Variants in BCKDHB observed in about 807,000 individuals in gnomAD.
BCKDHB encodes the protein branched chain keto acid dehydrogenase E1 subunit beta, also known as 2-oxoisovalerate dehydrogenase subunit beta, mitochondrial.
Under a neutral mutation model 48.5 loss-of-function variants are expected in BCKDHB, and 41 were observed. That is an observed-to-expected ratio of 0.85 (90% CI 0.66 to 1.10). The LOEUF is 1.10. Among genes scored for constraint, BCKDHB ranks in the 50% least tolerant of loss-of-function variants. The pLI is 0.00. For synonymous variants in BCKDHB, 201 were observed against 174.8 expected (o/e 1.15, Z -1.18); for missense variants, 496 against 494.2 (o/e 1.00, Z -0.03).
At chr6:80,200,675 C>T (rs1330385330) in intron 6 of BCKDHB, among the ~76,000 whole-genome samples, 6 of 152,120 alleles carry the variant, frequency 3.9e-5, no homozygotes, top group African/African-American at 1.2e-4. Flanking sequence ...TTCTTTATTA[C>T]GATTTCTTTA....
intron 3 of BCKDHB, among the ~76,000 whole-genome samples, chr6:80,141,479 T>C (rs1164264342): frequency 6.6e-6 from 1 of 152,146 alleles, no homozygotes; most frequent in African/African-American, 2.4e-5. Context: ...TTCAATTTAA[T>C]TGATTACACA....
intron 6 of BCKDHB, among the ~76,000 whole-genome samples, chr6:80,197,746 A>G (rs538374181): frequency 6.6e-6 from 1 of 152,336 alleles, no homozygotes; most frequent in South Asian, 2.1e-4. Flanking sequence ...GCCAGGGGAA[A>G]GACTTGATGA....
intron 6 of BCKDHB, among the ~76,000 whole-genome samples, chr6:80,179,117 G>A (rs1773297760): frequency 2.0e-5 from 3 of 151,966 alleles, no homozygotes; most frequent in African/African-American, 7.3e-5. Flanking sequence ...CAAGCTCCTG[G>A]GCTCAGGTGA....
At chr6:80,124,182 T>C (rs2127722243) in intron 1 of BCKDHB, among the ~76,000 whole-genome samples, 1 of 152,334 alleles carries the variant, frequency 6.6e-6, no homozygotes, top group Middle Eastern at 3.4e-3. Flanking sequence ...GGTTGTTCAG[T>C]TTCCATGTAG....
In BCKDHB at chr6:80,345,412, G is replaced by C. The variant is rs566244048; in HGVS notation, c.*1608G>C. 1 of 152,326 alleles carries C rather than the reference G, an allele frequency of 6.6e-6. No individual in the cohort carries two copies. The highest frequency in any genetic ancestry group is 2.1e-4 in the South Asian group (1 of 4,826). The allele number at this position is 152,326 out of a possible 1,614,324, so 9.4% of individuals were successfully genotyped here. On this transcript the variant is annotated 3_prime_UTR_variant, in exon 10 of 10. Transcript: ENST00000320393. ...AATTCTTGACTTTTGTGTATGGGTAGTAAATCTAGCTCACTGAAAATCAGA... is the reference window on the plus strand; with the variant it reads ...AATTCTTGACTTTTGTGTATGGGTACTAAATCTAGCTCACTGAAAATCAGA...
At chr6:80,387,378 A>AG in the BCKDHB span, among the ~76,000 whole-genome samples, 66,555 of 151,426 alleles carry the variant, frequency 0.44, 15,313 homozygotes, top group East Asian at 0.78. Context: ...AAAAATAGTA[A>AG]TCAAAAACAA....
In BCKDHB at chr6:80,260,224, T is replaced by TG. The variant is rs753704417; in HGVS notation, c.952-12910dup. On this transcript the variant is annotated intron_variant, in intron 8 of 9. Transcript: ENST00000320393. ...GGTGGTAATGGTGGGTGTGTGTGTGTGTGTGGGGTAATAAAATACAATCTT... is the reference window on the plus strand; with the variant it reads ...GGTGGTAATGGTGGGTGTGTGTGTGTGGTGTGGGGTAATAAAATACAATCTT... Among the ~76,000 whole-genome samples, 857 of 151,836 alleles carry TG rather than the reference T, an allele frequency of 5.6e-3. 4 individuals carry two copies. Among genetic ancestry groups the TG allele is most frequent in the Non-Finnish European group, 8.2e-3 (554 of 67,878 alleles).
chr6:80,180,817 A>G (rs905995494), intron 6 of BCKDHB, among the ~76,000 whole-genome samples: 1 of 152,242 alleles, frequency 6.6e-6, no homozygotes, highest in Non-Finnish European at 1.5e-5. Context: ...TGTATTTTAC[A>G]TTAAGCAGAT....
the BCKDHB span, among the ~76,000 whole-genome samples, chr6:80,388,227 G>A: frequency 6.6e-6 from 1 of 152,202 alleles, no homozygotes; most frequent in Non-Finnish European, 1.5e-5. Flanking sequence ...CCAGGCTGCT[G>A]TGAAAGCTTC....
chr6:80,162,836 C>T (rs146792456), intron 3 of BCKDHB, among the ~76,000 whole-genome samples: 5 of 152,014 alleles, frequency 3.3e-5, no homozygotes, highest in African/African-American at 9.7e-5. Flanking sequence ...GGTGACAGAG[C>T]GAGACTACAT....
At chr6:80,121,014 T>C (rs911404499) in intron 1 of BCKDHB, among the ~76,000 whole-genome samples, 1 of 152,226 alleles carries the variant, frequency 6.6e-6, no homozygotes, top group Non-Finnish European at 1.5e-5. Context: ...TTTAAGTCTT[T>C]AATCCATCTT....
chr6:80,219,881 C>A (rs1012531648), intron 8 of BCKDHB, among the ~76,000 whole-genome samples: 4 of 151,960 alleles, frequency 2.6e-5, no homozygotes, highest in African/African-American at 9.7e-5. Context: ...AATTTTGATG[C>A]CACCCTGATT....
At position 80,205,655 on chromosome 6, in the gene BCKDHB, C is replaced by T. The variant is rs771713831; in HGVS notation, c.951+2443C>T. Among the ~76,000 whole-genome samples, 75 of 152,112 alleles carry T rather than the reference C, an allele frequency of 4.9e-4. No individual in the cohort carries two copies. In the Middle Eastern group the frequency reaches 0.014, roughly 28 times the overall value. ...TAAAAAATTAGAGACTTAAATGGTCCTAGAAACCACAGCTAGTTTTTCCAC... is the reference window on the plus strand; with the variant it reads ...TAAAAAATTAGAGACTTAAATGGTCTTAGAAACCACAGCTAGTTTTTCCAC... On this transcript the variant is annotated intron_variant, in intron 8 of 9. Coordinates refer to ENST00000320393, the MANE Select transcript of BCKDHB (RefSeq NM_183050.4).
At chr6:80,455,832 G>T in the BCKDHB span, among the ~76,000 whole-genome samples, 1 of 152,188 alleles carries the variant, frequency 6.6e-6, no homozygotes, top group Middle Eastern at 3.4e-3. Flanking sequence ...AAAGTAGCAG[G>T]TCAAGAAGGC....
chr6:80,254,561 T>A (rs933738581), intron 8 of BCKDHB, among the ~76,000 whole-genome samples: 1 of 151,984 alleles, frequency 6.6e-6, no homozygotes, highest in Non-Finnish European at 1.5e-5. Context: ...ATTAACCAGG[T>A]TGATGAAGTC....
the BCKDHB span, among the ~76,000 whole-genome samples, chr6:80,408,802 TCAAAAA>T: frequency 4.5e-5 from 1 of 22,446 alleles, no homozygotes; most frequent in Non-Finnish European, 2.3e-4. Context: ...CTTTTTTTTT[TCAAAAA>T]AAAAAACCAA....
At chr6:80,265,273 C>T (rs748152727) in intron 8 of BCKDHB, among the ~76,000 whole-genome samples, 20 of 152,162 alleles carry the variant, frequency 1.3e-4, no homozygotes, top group South Asian at 4.1e-4. Flanking sequence ...TGCAGCAGTA[C>T]TCACAGTAGC....
At chr6:80,426,598 A>G in the BCKDHB span, among the ~76,000 whole-genome samples, 2 of 152,172 alleles carry the variant, frequency 1.3e-5, no homozygotes, top group Non-Finnish European at 2.9e-5. Context: ...ATTTGGAAGC[A>G]GCTTTTTAAA....
chr6:80,354,323 G>C, the BCKDHB span, among the ~76,000 whole-genome samples: 2 of 152,122 alleles, frequency 1.3e-5, no homozygotes, highest in Non-Finnish European at 1.5e-5. Flanking sequence ...TGCCTCACGG[G>C]TTCAAACAAT....
Sources: allele counts gnomAD v4.1 joint callset (sites outside exome capture counted in the v4.1 genomes callset), GRCh38; gene constraint gnomAD v4.1.1; transcripts MANE v1.5; gene names NCBI Gene and HGNC (gene_info 2026-07-23, HGNC 2026-07-21).